Variants in DCAF6 observed in about 807,000 individuals in gnomAD.
DCAF6 encodes the protein DDB1- and CUL4-associated factor 6.
Under a neutral mutation model 125.1 loss-of-function variants are expected in DCAF6, and 54 were observed. The observed-to-expected ratio is 0.43, with a 90% CI of 0.35 to 0.54. DCAF6 has a LOEUF of 0.54. DCAF6 is among the 20% of genes least tolerant of loss of function. DCAF6 has a pLI of 0.01. For missense variants in DCAF6, 934 were observed against 1,161.7 expected (o/e 0.80, Z 2.85); for synonymous variants, 371 against 390.4 (o/e 0.95, Z 0.58).
At chr1:168,066,314 T>C in intron 19 of DCAF6, 63 bp from the exon 20 acceptor site, 1 of 1,035,790 alleles carries the variant, frequency 9.7e-7, no homozygotes, top group South Asian at 1.6e-5. Flanking sequence ...ATATGCATAA[T>C]ATAAGCATAT....
chr1:167,900,298 C>G, the DCAF6 span, among the ~76,000 whole-genome samples: 7 of 152,184 alleles, frequency 4.6e-5, no homozygotes, highest in Middle Eastern at 6.8e-3. Context: ...AGGGCTGACT[C>G]CCCCCTGATT....
the DCAF6 span, chr1:167,904,867 C>G: frequency 1.6e-6 from 2 of 1,239,596 alleles, no homozygotes; most frequent in Non-Finnish European, 2.4e-6. Context: ...CTCAGTGGAG[C>G]ACATCTGCTG....
chr1:168,022,899 A>C, intron 11 of DCAF6, 89 bp from the exon 12 acceptor site: 1 of 1,208,198 alleles, frequency 8.3e-7, no homozygotes, highest in Non-Finnish European at 1.2e-6. Context: ...AGCCTTATAC[A>C]TTTGTTTCTT....
At chr1:168,074,838 A>C (rs770867605) in intron 21 of DCAF6, among the ~76,000 whole-genome samples, 9 of 152,200 alleles carry the variant, frequency 5.9e-5, no homozygotes, top group Non-Finnish European at 1.2e-4. Flanking sequence ...TACTGTACTC[A>C]CCAGTTTGTA....
intron 10 of DCAF6, among the ~76,000 whole-genome samples, chr1:168,007,754 C>T (rs946132971): frequency 1.3e-5 from 2 of 151,728 alleles, no homozygotes; most frequent in African/African-American, 4.8e-5. Context: ...ATAATCAAAC[C>T]CCTTAGTTTG....
At chr1:167,914,930 T>C in the DCAF6 span, among the ~76,000 whole-genome samples, 1 of 152,248 alleles carries the variant, frequency 6.6e-6, no homozygotes, top group African/African-American at 2.4e-5. Context: ...TTTAATTATG[T>C]TCATTGAGTG....
chr1:168,058,729 C>T (rs942260691), intron 17 of DCAF6, among the ~76,000 whole-genome samples: 8 of 152,042 alleles, frequency 5.3e-5, no homozygotes, highest in African/African-American at 1.2e-4. Context: ...CCACCACACC[C>T]GGCTAATTTT....
At chr1:167,899,948 T>A in the DCAF6 span, among the ~76,000 whole-genome samples, 7 of 152,346 alleles carry the variant, frequency 4.6e-5, no homozygotes, top group South Asian at 1.4e-3. Flanking sequence ...AGGGAATACC[T>A]TTAATAATTC....
At chr1:167,908,420 G>A in the DCAF6 span, among the ~76,000 whole-genome samples, 2 of 152,114 alleles carry the variant, frequency 1.3e-5, no homozygotes, top group Admixed American at 1.3e-4. Flanking sequence ...GGAATGAGAT[G>A]TTGGTGGCTG....
chr1:168,046,287 A>G (rs1047192289), intron 16 of DCAF6, among the ~76,000 whole-genome samples: 4 of 152,176 alleles, frequency 2.6e-5, no homozygotes, highest in African/African-American at 9.6e-5. Context: ...TCATGTTAAT[A>G]GCACTAATTA....
At chr1:167,871,834 T>G in the DCAF6 span, among the ~76,000 whole-genome samples, 146 of 152,344 alleles carry the variant, frequency 9.6e-4, no homozygotes, top group South Asian at 2.3e-3. Context: ...ATTCCCTTTC[T>G]GAAAATGCAT....
chr1:167,866,503 C>T, the DCAF6 span, among the ~76,000 whole-genome samples: 1 of 145,466 alleles, frequency 6.9e-6, no homozygotes, highest in Non-Finnish European at 1.5e-5. Context: ...GGCTACCTGA[C>T]CTGACGAAAG....
chr1:168,047,373 C>T (rs904807602), intron 16 of DCAF6, among the ~76,000 whole-genome samples: 4 of 152,144 alleles, frequency 2.6e-5, no homozygotes, highest in African/African-American at 9.6e-5. Context: ...GGAACTGATC[C>T]CACTTCATGC....
At chr1:167,924,478 G>GT in the DCAF6 span, 1 of 1,583,478 alleles carries the variant, frequency 6.3e-7, no homozygotes, top group South Asian at 1.2e-5. Context: ...AGTAGCTTCC[G>GT]TAAAAACTCA....
At chr1:168,032,906 T>A (rs1264435103) in intron 12 of DCAF6, among the ~76,000 whole-genome samples, 1 of 152,204 alleles carries the variant, frequency 6.6e-6, no homozygotes, top group East Asian at 1.9e-4. Context: ...AGATAGATTC[T>A]CCAGGGGTAT....
chr1:167,923,313 T>C, the DCAF6 span, among the ~76,000 whole-genome samples: 6 of 152,140 alleles, frequency 3.9e-5, no homozygotes, highest in South Asian at 2.1e-4. Flanking sequence ...AATCAACATA[T>C]AGAAGAATAA....
intron 13 of DCAF6, among the ~76,000 whole-genome samples, chr1:168,041,320 A>G (rs73028108): frequency 0.032 from 4,897 of 152,106 alleles, 195 homozygotes; most frequent in African/African-American, 0.094. Flanking sequence ...ATAGAATTAA[A>G]TGAGGATTAT....
the DCAF6 span, chr1:167,902,085 C>T: frequency 2.5e-5 from 40 of 1,593,848 alleles, no homozygotes; most frequent in Non-Finnish European, 3.2e-5. Flanking sequence ...TAAATCAAAC[C>T]CTGATTCCTT....
intron 1 of DCAF6, among the ~76,000 whole-genome samples, chr1:167,950,907 A>G (rs1673823235): frequency 2.0e-5 from 3 of 152,228 alleles, no homozygotes; most frequent in Admixed American, 6.5e-5. Context: ...TTTTAATGCC[A>G]TATTTCATCA....
Sources: gnomAD v4.1 joint callset for allele counts (sites outside exome capture counted in the v4.1 genomes callset) on GRCh38, gnomAD v4.1.1 for gene constraint, MANE v1.5 for transcripts, NCBI Gene and HGNC (gene_info 2026-07-23, HGNC 2026-07-21) for gene names.